The following ELFN2 variants were observed in gnomAD, a reference collection of about 807,000 sequenced individuals.
ELFN2 encodes protein phosphatase 1 regulatory subunit 29.
In ELFN2, 17 loss-of-function variants were observed where a neutral mutation model predicts 45.5. That is an observed-to-expected ratio of 0.37 (90% CI 0.26 to 0.56). The LOEUF (loss-of-function observed/expected upper bound fraction) is 0.56. ELFN2 is among the 20% of genes least tolerant of loss of function. ELFN2 has a pLI of 0.77. For synonymous variants in ELFN2, 550 were observed against 551.5 expected (o/e 1.00, Z 0.04); for missense variants, 922 against 1,183.2 (o/e 0.78, Z 3.24).
At chr22:37,379,267 C>A (rs1314652918) in intron 2 of ELFN2, among the ~76,000 whole-genome samples, 4 of 152,128 alleles carry the variant, frequency 2.6e-5, no homozygotes, top group Non-Finnish European at 5.9e-5. Flanking sequence ...GCCCGGGAGA[C>A]AATTGACACC....
At chr22:37,409,541 C>A (rs1311041901) in intron 2 of ELFN2, among the ~76,000 whole-genome samples, 2 of 152,206 alleles carry the variant, frequency 1.3e-5, no homozygotes, top group Non-Finnish European at 2.9e-5. Context: ...CAGCCAACAG[C>A]GAGAGGAGCC....
intron 1 of ELFN2, among the ~76,000 whole-genome samples, chr22:37,422,654 C>T (rs1932817665): frequency 6.6e-6 from 1 of 152,112 alleles, no homozygotes. Flanking sequence ...AGTGCAGTAG[C>T]ACAATCTCGG....
chr22:37,354,273 G>C (rs568007663), intron 1 of ELFN2: 1 of 152,302 alleles, frequency 6.6e-6, no homozygotes, highest in Non-Finnish European at 1.5e-5. Context: ...CAGTGGCCAT[G>C]TTCTTCATCT....
chr22:37,425,461 C>T (rs1322359134), intron 1 of ELFN2, among the ~76,000 whole-genome samples: 1 of 152,148 alleles, frequency 6.6e-6, no homozygotes, highest in Non-Finnish European at 1.5e-5. Context: ...CCCTTCCCAC[C>T]CCTCATATAC....
At chr22:37,340,876 G>A (rs1374151879) in exon 3 of ELFN2, 3 of 152,302 alleles carry the variant, frequency 2.0e-5, no homozygotes, top group African/African-American at 7.2e-5. Context: ...GTGAGGCCCA[G>A]GCGAGGCAAT....
chr22:37,396,548 G>A (rs750297939), intron 2 of ELFN2, among the ~76,000 whole-genome samples: 4 of 152,150 alleles, frequency 2.6e-5, no homozygotes, highest in Non-Finnish European at 5.9e-5. Flanking sequence ...AGATCCCTTA[G>A]CACTACCCAG....
intron 2 of ELFN2, among the ~76,000 whole-genome samples, chr22:37,382,964 G>A (rs919188086): frequency 6.6e-6 from 1 of 152,152 alleles, no homozygotes; most frequent in African/African-American, 2.4e-5. Flanking sequence ...GGAGCCACTA[G>A]GGACGAGGCC....
intron 2 of ELFN2, among the ~76,000 whole-genome samples, chr22:37,404,947 G>A (rs560889671): frequency 3.9e-5 from 6 of 152,190 alleles, no homozygotes; most frequent in Non-Finnish European, 8.8e-5. Context: ...ATCCTTAGCT[G>A]AGCCCCAGAG....
intron 2 of ELFN2, among the ~76,000 whole-genome samples, chr22:37,399,152 T>A (rs1932295986): frequency 6.6e-6 from 1 of 152,010 alleles, no homozygotes; most frequent in African/African-American, 2.4e-5. Context: ...TCGGAGAGGC[T>A]TTTTGCAGCT....
intron 2 of ELFN2, among the ~76,000 whole-genome samples, chr22:37,393,951 G>A (rs958108125): frequency 5.3e-5 from 8 of 152,278 alleles, no homozygotes; most frequent in South Asian, 4.2e-4. Context: ...CAAATGAAGC[G>A]TGATGATGCC....
intron 1 of ELFN2, among the ~76,000 whole-genome samples, chr22:37,361,344 C>A (rs937490478): frequency 6.6e-6 from 1 of 151,976 alleles, no homozygotes; most frequent in Non-Finnish European, 1.5e-5. Context: ...CTCCCTACCC[C>A]CTTATCCTGC....
At position 37,372,714 on chromosome 22, in the gene ELFN2, C is replaced by T; in HGVS notation, c.*358G>A. 1 of 110,206 alleles carries T rather than the reference C, an allele frequency of 9.1e-6. No individual in the cohort carries two copies. The highest frequency in any genetic ancestry group is 1.5e-5 in the Non-Finnish European group (1 of 67,452). The allele number at this position is 110,206 out of a possible 1,614,324, so 6.8% of individuals were successfully genotyped here. A position where few individuals can be genotyped will look rare whatever the true frequency, so the allele number is the denominator to read the frequency against. On this transcript the variant is annotated 3_prime_UTR_variant, in exon 3 of 3. Transcript: ENST00000402918. This position sits in a 1 kb window ranked among gnomAD's most constrained non-coding sequence, Gnocchi z 4.4. ...TGACCCCCACACCTGTTTCTAGCCC[C>T]AGACCCCCCAGACCCCACACCCTCT...
chr22:37,405,032 TC>T (rs1932460025), intron 2 of ELFN2, among the ~76,000 whole-genome samples: 1 of 147,220 alleles, frequency 6.8e-6, no homozygotes, highest in South Asian at 2.2e-4. Flanking sequence ...GAATCCTGGG[TC>T]CCCTACTTAC....
At chr22:37,367,247 G>A (rs1411314277), downstream of ELFN2, among the ~76,000 whole-genome samples, 1 of 152,222 alleles carries the variant, frequency 6.6e-6, no homozygotes, top group Non-Finnish European at 1.5e-5. Context: ...AGGCTTGGGC[G>A]GTTCAGCCTG....
intron 2 of ELFN2, among the ~76,000 whole-genome samples, chr22:37,397,217 C>T (rs1265059985): frequency 6.6e-6 from 1 of 152,202 alleles, no homozygotes; most frequent in Non-Finnish European, 1.5e-5. Context: ...GTCACTGTGT[C>T]CCCTCCAGAG....
intron 2 of ELFN2, among the ~76,000 whole-genome samples, chr22:37,406,126 G>A (rs1189688716): frequency 1.3e-5 from 2 of 151,824 alleles, no homozygotes; most frequent in Non-Finnish European, 2.9e-5. Context: ...TGGGCAACAG[G>A]GTGAGACCCT....
chr22:37,421,629 C>G (rs1384653278), intron 1 of ELFN2, among the ~76,000 whole-genome samples: 1 of 152,184 alleles, frequency 6.6e-6, no homozygotes, highest in Non-Finnish European at 1.5e-5. Context: ...CCTGCCTGAG[C>G]CCCGGGGCCC....
chr22:37,384,134 C>T (rs957245433), intron 2 of ELFN2, among the ~76,000 whole-genome samples: 20 of 152,236 alleles, frequency 1.3e-4, no homozygotes, highest in Middle Eastern at 3.4e-3. Flanking sequence ...ATGTCCAGGC[C>T]TTGGTGGAAG....
At chr22:37,348,577 G>A (rs1284109700) in intron 1 of ELFN2, among the ~76,000 whole-genome samples, 2 of 150,606 alleles carry the variant, frequency 1.3e-5, no homozygotes, top group African/African-American at 2.4e-5. Flanking sequence ...GCCCAGCCCC[G>A]GGCCAGATCA....
Sources: allele counts gnomAD v4.1 joint callset (sites outside exome capture counted in the v4.1 genomes callset), GRCh38; gene constraint gnomAD v4.1.1; non-coding constraint Gnocchi (gnomAD v3.1); transcripts MANE v1.5; gene names NCBI Gene and HGNC (gene_info 2026-07-23, HGNC 2026-07-21).